Variants in TBCA observed in about 807,000 individuals in gnomAD.
TBCA encodes the protein tubulin-specific chaperone A.
In TBCA, 6 loss-of-function variants were observed where a neutral mutation model predicts 15.8. The ratio of observed to expected loss-of-function variants is 0.38; its 90% confidence interval spans 0.21 to 0.75. The LOEUF is 0.75. TBCA is among the 30% of genes least tolerant of loss of function. TBCA has a pLI of 0.46. For synonymous variants in TBCA, 32 were observed against 42.3 expected (o/e 0.76, Z 0.94); for missense variants, 90 against 131.2 (o/e 0.69, Z 1.53).
intron 1 of TBCA, among the ~76,000 whole-genome samples, chr5:77,721,849 TTAC>T (rs1746536827): frequency 6.6e-6 from 1 of 152,056 alleles, no homozygotes; most frequent in African/African-American, 2.4e-5. Context: ...CTTCACCTGT[TTAC>T]TCAAAGTAAA....
intron 1 of TBCA, among the ~76,000 whole-genome samples, chr5:77,716,957 G>A (rs1746411617): frequency 6.6e-6 from 1 of 152,200 alleles, no homozygotes; most frequent in South Asian, 2.1e-4. Context: ...CTACATAAGA[G>A]ACATCTGCTG....
chr5:77,739,149 T>G (rs1746975713), intron 1 of TBCA, among the ~76,000 whole-genome samples: 1 of 152,200 alleles, frequency 6.6e-6, no homozygotes, highest in African/African-American at 2.4e-5. Flanking sequence ...TACTTCTTAC[T>G]CTGGGTTGGA....
intron 1 of TBCA, among the ~76,000 whole-genome samples, chr5:77,719,686 C>T (rs377701011): frequency 1.3e-5 from 2 of 152,144 alleles, no homozygotes; most frequent in African/African-American, 4.8e-5. Context: ...ATCAGTATCA[C>T]TTTTTTCAAT....
intron 1 of TBCA, among the ~76,000 whole-genome samples, chr5:77,770,881 A>G (rs982870009): frequency 4.6e-5 from 7 of 152,190 alleles, no homozygotes; most frequent in African/African-American, 1.7e-4. Flanking sequence ...CACGCCTATA[A>G]TTCCAGCACT....
chr5:77,714,641 A>G (rs1418210087), intron 1 of TBCA, among the ~76,000 whole-genome samples: 1 of 151,358 alleles, frequency 6.6e-6, no homozygotes, highest in Admixed American at 6.6e-5. Context: ...ATCTCAGCCT[A>G]CTGCAAGCTC....
At chr5:77,722,738 C>T (rs1311907421) in intron 1 of TBCA, among the ~76,000 whole-genome samples, 1 of 151,846 alleles carries the variant, frequency 6.6e-6, no homozygotes, top group East Asian at 1.9e-4. Context: ...AAAATTCTGA[C>T]TTTAGTGACT....
intron 1 of TBCA, among the ~76,000 whole-genome samples, chr5:77,753,178 C>T (rs1021017983): frequency 1.3e-5 from 2 of 152,082 alleles, no homozygotes; most frequent in African/African-American, 4.8e-5. Flanking sequence ...CAAAACATGA[C>T]CTTAAGATTT....
chr5:77,752,395 A>C (rs941851583), intron 1 of TBCA, among the ~76,000 whole-genome samples: 1 of 151,618 alleles, frequency 6.6e-6, no homozygotes, highest in Non-Finnish European at 1.5e-5. Flanking sequence ...TTTCTGGCTT[A>C]GTTTTTTCTT....
chr5:77,701,706 T>TATATAC (rs1561263862), intron 2 of TBCA, among the ~76,000 whole-genome samples: 1 of 135,810 alleles, frequency 7.4e-6, no homozygotes, highest in Non-Finnish European at 1.6e-5. Context: ...TATATATATA[T>TATATAC]ATATATATAT....
intron 1 of TBCA, among the ~76,000 whole-genome samples, chr5:77,718,350 T>C (rs1008967647): frequency 1.3e-5 from 2 of 152,216 alleles, no homozygotes; most frequent in African/African-American, 2.4e-5. Context: ...ACTAAATCTA[T>C]AGACCATTAT....
intron 1 of TBCA, among the ~76,000 whole-genome samples, chr5:77,748,138 A>T (rs750237511): frequency 1.5e-4 from 23 of 152,222 alleles, no homozygotes; most frequent in Non-Finnish European, 2.9e-4. Context: ...ACTGAAAAAA[A>T]TGGTTGAAGT....
At chr5:77,749,577 C>T (rs934727089) in intron 1 of TBCA, among the ~76,000 whole-genome samples, 4 of 152,048 alleles carry the variant, frequency 2.6e-5, no homozygotes, top group Non-Finnish European at 4.4e-5. Context: ...ACCAAAAGGC[C>T]GTGTTAACAA....
At chr5:77,760,293 A>G (rs1464780643) in intron 1 of TBCA, among the ~76,000 whole-genome samples, 1 of 152,264 alleles carries the variant, frequency 6.6e-6, no homozygotes, top group Non-Finnish European at 1.5e-5. Flanking sequence ...ATGTAAGGAA[A>G]AAAATCACTC....
At chr5:77,744,349 C>T (rs1747120649) in intron 1 of TBCA, among the ~76,000 whole-genome samples, 2 of 151,848 alleles carry the variant, frequency 1.3e-5, no homozygotes, top group Admixed American at 1.3e-4. Context: ...CTGCTAAATA[C>T]CCCAATGTAA....
At position 77,761,548 on chromosome 5, in the gene TBCA, G is replaced by A. The variant is rs1040565944; in HGVS notation, c.53+14657C>T. ...AGGAAAACCAGAGACCTTTGTTCAC[G>A]TGTTTATCTGCTGACCTTCTCTCCA... On this transcript the variant is annotated intron_variant, in intron 1 of 3. Transcript: ENST00000380377. Among the ~76,000 whole-genome samples, 150 of 151,890 alleles carry A rather than the reference G, an allele frequency of 9.9e-4. 1 individual carries two copies. The Middle Eastern group carries it at 0.01, about 10-fold the overall frequency.
chr5:77,764,851 C>T (rs455482), intron 1 of TBCA, among the ~76,000 whole-genome samples: 94,045 of 151,904 alleles, frequency 0.62, 29,162 homozygotes, highest in African/African-American at 0.64. Flanking sequence ...AATTCTCCAT[C>T]CCAAACAAGA....
chr5:77,710,983 C>T (rs1205513714), intron 1 of TBCA, among the ~76,000 whole-genome samples: 1 of 152,098 alleles, frequency 6.6e-6, no homozygotes, highest in Non-Finnish European at 1.5e-5. Flanking sequence ...ATTGGATAGG[C>T]TATTAAAGAG....
chr5:77,765,851 G>C (rs1242235813), intron 1 of TBCA, among the ~76,000 whole-genome samples: 2 of 144,780 alleles, frequency 1.4e-5, no homozygotes, highest in African/African-American at 2.6e-5. Context: ...GTACATTGTG[G>C]CACCATTTGT....
chr5:77,721,750 C>A (rs888210667), intron 1 of TBCA, among the ~76,000 whole-genome samples: 2 of 151,934 alleles, frequency 1.3e-5, no homozygotes, highest in African/African-American at 4.8e-5. Flanking sequence ...ACTCTGAAGC[C>A]CTCCAAATCT....
Sources: allele counts gnomAD v4.1 joint callset (sites outside exome capture counted in the v4.1 genomes callset), GRCh38; gene constraint gnomAD v4.1.1; transcripts MANE v1.5; gene names NCBI Gene and HGNC (gene_info 2026-07-23, HGNC 2026-07-21).